The following FAM124A variants were observed in gnomAD, a reference collection of about 807,000 sequenced individuals.
FAM124A encodes protein FAM124A.
In FAM124A, 23 loss-of-function variants were observed where a neutral mutation model predicts 24.5. That is an observed-to-expected ratio of 0.94 (90% CI 0.68 to 1.33). FAM124A has a LOEUF of 1.33. Among genes scored for constraint, FAM124A ranks in the 40% most tolerant of loss-of-function variants. The probability of loss-of-function intolerance (pLI) is 0.00; values close to 1 mark genes in which losing one functional copy is unlikely to be tolerated. For missense variants in FAM124A, 623 were observed against 722.8 expected (o/e 0.86, Z 1.58); for synonymous variants, 287 against 314.7 (o/e 0.91, Z 0.93).
Position 51,280,808 on chromosome 13 carries a change from G to C in FAM124A, c.1193G>C (p.Gly398Ala). Residue 398 changes from glycine to alanine, a missense_variant, in exon 4 of 4, where the codon GGC becomes GCC. Physicochemically the swap from Gly to Ala is moderately conservative, Grantham distance 60 (BLOSUM62 0). Coordinates refer to ENST00000322475, the MANE Select transcript of FAM124A (RefSeq NM_001242312.2). The stretch of plus-strand genomic sequence containing the variant: ...CACAGGGCATCAGAGTGGAGGCATG[G>C]CCACCTCCTCTCCATCGATGACCTA... ...PGHRASEWRH[G>A]HLLSIDDLEG... 6.2e-7 allele frequency: 1 copy of C among 1,614,090 alleles called. No individual in the cohort carries two copies.
chr13:51,222,406 G>T lies in FAM124A; in HGVS notation c.-96G>T. ...CCGGCTCCCGGGCCGCCAGACGCTC[G>T]GAGGGAGCCCGGCCGGCTCGGACTG... On this transcript the variant is annotated 5_prime_UTR_variant, in exon 1 of 4. Coordinates refer to ENST00000322475, the MANE Select transcript of FAM124A (RefSeq NM_001242312.2). The T allele has an allele frequency of 1.9e-6, 2 of 1,079,354 alleles. No individual in the cohort carries two copies. The highest frequency in any genetic ancestry group is 4.5e-5 in the South Asian group (1 of 22,072). 66.9% of individuals were successfully genotyped at this position (1,079,354 alleles called of 1,614,324 possible). A position where few individuals can be genotyped will look rare whatever the true frequency, so the allele number is the denominator to read the frequency against.
chr13:51,224,083 C>T (rs1471265771), intron 1 of FAM124A, among the ~76,000 whole-genome samples: 1 of 152,208 alleles, frequency 6.6e-6, no homozygotes, highest in Admixed American at 6.5e-5. Context: ...GGCCAGGCCT[C>T]CTGGGAGGGG....
At chr13:51,269,599 A>G (rs1378431128) in intron 3 of FAM124A, among the ~76,000 whole-genome samples, 1 of 152,256 alleles carries the variant, frequency 6.6e-6, no homozygotes, top group African/African-American at 2.4e-5. Flanking sequence ...CTACTTAAAA[A>G]GAAAATCAAT....
intron 2 of FAM124A, among the ~76,000 whole-genome samples, chr13:51,249,662 G>A (rs1433186398): frequency 6.6e-6 from 1 of 152,218 alleles, no homozygotes. Flanking sequence ...GAGACTTTCA[G>A]TGTTAATCGT....
intron 2 of FAM124A, chr13:51,245,409 C>A: frequency 1.5e-6 from 1 of 656,268 alleles, no homozygotes; most frequent in Non-Finnish European, 2.8e-6. Flanking sequence ...TTGAACATAC[C>A]TGGCCCTCAG....
At chr13:51,230,211 A>G (rs1170390282) in intron 1 of FAM124A, among the ~76,000 whole-genome samples, 2 of 152,206 alleles carry the variant, frequency 1.3e-5, no homozygotes, top group Non-Finnish European at 2.9e-5. Context: ...TGAAAACCAC[A>G]TGTTGTTTTC....
intron 3 of FAM124A, among the ~76,000 whole-genome samples, chr13:51,270,177 A>G (rs1055440002): frequency 6.6e-6 from 1 of 152,156 alleles, no homozygotes; most frequent in African/African-American, 2.4e-5. Flanking sequence ...CTGTAGCCTT[A>G]AGGGTCCCCA....
rs185861325 is a variant in FAM124A, at chr13:51,250,647, A to C, written c.101-821A>C. Among the ~76,000 whole-genome samples the C allele has an allele frequency of 2.1e-3, 317 of 152,332 alleles. 2 individuals carry two copies. Among genetic ancestry groups the C allele is most frequent in the African/African-American group, 6.9e-3 (288 of 41,580 alleles). On this transcript the variant is annotated intron_variant, in intron 2 of 3. Transcript: ENST00000322475. ...GTGGGCTTCTGAGTGGATGTGGCCC[A>C]GCAAGGGACACAAAAGGTAGCCTTT...
intron 3 of FAM124A, among the ~76,000 whole-genome samples, chr13:51,256,128 G>A (rs1286571728): frequency 6.6e-6 from 1 of 152,240 alleles, no homozygotes; most frequent in East Asian, 1.9e-4. Flanking sequence ...AGTGCTGTGA[G>A]CAAGGCCTTC....
In FAM124A at chr13:51,258,125, C is replaced by G. The variant is rs771142754; in HGVS notation, c.834+5924C>G. Among the ~76,000 whole-genome samples the G allele has an allele frequency of 5.9e-5, 9 of 152,172 alleles. No homozygotes were observed. The highest frequency in any genetic ancestry group is 9.7e-5 in the African/African-American group (4 of 41,442). On this transcript the variant is annotated intron_variant, in intron 3 of 3. Transcript: ENST00000322475. This position sits in a 1 kb window ranked among gnomAD's most constrained non-coding sequence, Gnocchi z 4.2. ...CCAGCTTGGTCTCTGTTTTCACGTTCATATGGCATTCTCCCTGTGTGTGTC... is the reference window on the plus strand; with the variant it reads ...CCAGCTTGGTCTCTGTTTTCACGTTGATATGGCATTCTCCCTGTGTGTGTC...
At chr13:51,235,932 G>C (rs1954430592) in intron 2 of FAM124A, among the ~76,000 whole-genome samples, 1 of 152,164 alleles carries the variant, frequency 6.6e-6, no homozygotes, top group Non-Finnish European at 1.5e-5. Context: ...ACAACTGATG[G>C]GTGGCTGTGA....
intron 3 of FAM124A, among the ~76,000 whole-genome samples, chr13:51,255,854 G>A (rs930553729): frequency 2.6e-5 from 4 of 152,214 alleles, no homozygotes; most frequent in Non-Finnish European, 4.4e-5. Context: ...AGGGAAGAAT[G>A]CACCTTCAGA....
intron 2 of FAM124A, among the ~76,000 whole-genome samples, chr13:51,249,132 C>T (rs568946063): frequency 8.5e-5 from 13 of 152,286 alleles, no homozygotes; most frequent in African/African-American, 2.9e-4. Flanking sequence ...TCTATACCTT[C>T]GTAAACACTT....
intron 2 of FAM124A, 97 bp downstream of exon 2, chr13:51,231,476 A>G (rs1954376805): frequency 3.9e-6 from 5 of 1,295,248 alleles, no homozygotes. Flanking sequence ...ATAGTAGGTA[A>G]GAATCACCAA....
intron 1 of FAM124A, among the ~76,000 whole-genome samples, chr13:51,223,343 G>A (rs886529877): frequency 1.3e-5 from 2 of 152,124 alleles, no homozygotes; most frequent in African/African-American, 4.8e-5. Flanking sequence ...TCGTTATAAA[G>A]GCTTCCAGGC....
At chr13:51,262,202 C>G (rs1954744760) in intron 3 of FAM124A, among the ~76,000 whole-genome samples, 1 of 152,244 alleles carries the variant, frequency 6.6e-6, no homozygotes. Context: ...CCAGCTTTGT[C>G]AGGTTGGCCT....
In FAM124A at chr13:51,282,589, G is replaced by A. The variant is rs1303228135; in HGVS notation, c.*1333G>A. ...TTACCTTTGAGGAAGAACAGCATGG[G>A]TTTGCCAAGCTCAATTCCCAGGCTG... On this transcript the variant is annotated 3_prime_UTR_variant, in exon 4 of 4. Coordinates refer to ENST00000322475, the MANE Select transcript of FAM124A (RefSeq NM_001242312.2). 1.3e-5 allele frequency: 2 copies of A among 152,194 alleles called. No individual in the cohort carries two copies. Among genetic ancestry groups the A allele is most frequent in the East Asian group, 1.9e-4 (1 of 5,200 alleles). 9.4% of individuals were successfully genotyped at this position (152,194 alleles called of 1,614,324 possible). A position where few individuals can be genotyped will look rare whatever the true frequency, so the allele number is the denominator to read the frequency against.
chr13:51,245,696 C>T (rs1389983793), intron 2 of FAM124A, among the ~76,000 whole-genome samples: 1 of 152,206 alleles, frequency 6.6e-6, no homozygotes, highest in African/African-American at 2.4e-5. Context: ...TTCAGACAGC[C>T]CTTGCTGTTC....
chr13:51,272,284 C>A lies in FAM124A; in HGVS notation c.835-8166C>A, dbSNP rs2137705434. Among the ~76,000 whole-genome samples the A allele has an allele frequency of 6.6e-6, 1 of 152,164 alleles. No homozygotes were observed. Among genetic ancestry groups the A allele is most frequent in the South Asian group, 2.1e-4 (1 of 4,806 alleles). The stretch of plus-strand genomic sequence containing the variant: ...ACCTCCCCTCTGCTCCCTACCAAAT[C>A]AAGAGTCCCCAAACCACACTCCCCT... On this transcript the variant is annotated intron_variant, in intron 3 of 3. Coordinates refer to ENST00000322475, the MANE Select transcript of FAM124A (RefSeq NM_001242312.2). The surrounding 1 kb of genome is among the most constrained non-coding windows in gnomAD (Gnocchi z 4.2).
Sources: allele counts gnomAD v4.1 joint callset (sites outside exome capture counted in the v4.1 genomes callset), GRCh38; gene constraint gnomAD v4.1.1; non-coding constraint Gnocchi (gnomAD v3.1); transcripts MANE v1.5; gene names NCBI Gene and HGNC (gene_info 2026-07-23, HGNC 2026-07-21).